MRPL47: variants seen among roughly 807,000 people sequenced by gnomAD.
The protein encoded by MRPL47 is mitochondrial ribosomal protein L47, also known as large ribosomal subunit protein uL29m.
In MRPL47, 31 loss-of-function variants were observed where a neutral mutation model predicts 34.0. The ratio of observed to expected loss-of-function variants is 0.91; its 90% CI spans 0.68 to 1.23. The LOEUF (loss-of-function observed/expected upper bound fraction) is 1.23, where lower values mean the gene tolerates loss of function less well. Ranked by LOEUF, MRPL47 falls within the 50% of genes most tolerant of loss-of-function variation. MRPL47 has a pLI of 0.00. For missense variants in MRPL47, 328 were observed against 285.8 expected, an observed-to-expected ratio of 1.15 and a Z score of -1.07; for synonymous variants, 106 against 101.6, an observed-to-expected ratio of 1.04 and a Z score of -0.26.
At chr3:179,602,593 CGGGG>C in intron 2 of MRPL47, 55 bp downstream of exon 2, 1 of 806,258 alleles carries the variant, frequency 1.2e-6, no homozygotes, top group South Asian at 1.8e-5. Flanking sequence ...GATGGTTGGG[CGGGG>C]CGGGGGGGGG....
intron 5 of MRPL47, among the ~76,000 whole-genome samples, 154 bp downstream of exon 5, chr3:179,593,610 TA>T (rs1214838570): frequency 2.6e-5 from 4 of 152,202 alleles, no homozygotes; most frequent in Non-Finnish European, 5.9e-5. Context: ...CCTCCTTCAT[TA>T]AAGTCCAAAG....
chr3:179,592,580 G>T, intron 6 of MRPL47, 64 bp downstream of exon 6: 2 of 949,412 alleles, frequency 2.1e-6, no homozygotes, highest in South Asian at 1.4e-5. Context: ...CATCTGGTAT[G>T]ATATATGACC....
At chr3:179,591,463 T>G (rs1718669314) in intron 6 of MRPL47, among the ~76,000 whole-genome samples, 1 of 152,198 alleles carries the variant, frequency 6.6e-6, no homozygotes, top group African/African-American at 2.4e-5. Flanking sequence ...AAAAAAATCT[T>G]AAGTTTGTAT....
At chr3:179,591,523 G>A (rs1317214118) in intron 6 of MRPL47, among the ~76,000 whole-genome samples, 3 of 152,190 alleles carry the variant, frequency 2.0e-5, no homozygotes, top group Non-Finnish European at 4.4e-5. Context: ...TATCATAACA[G>A]AAGCCCTATG....
At chr3:179,591,311 G>A (rs528335618) in intron 6 of MRPL47, among the ~76,000 whole-genome samples, 2 of 152,232 alleles carry the variant, frequency 1.3e-5, no homozygotes, top group Admixed American at 1.3e-4. Flanking sequence ...CACAGCAATG[G>A]GAGTTGGATA....
intron 4 of MRPL47, among the ~76,000 whole-genome samples, chr3:179,595,531 C>A (rs1718772187): frequency 6.6e-6 from 1 of 152,102 alleles, no homozygotes; most frequent in African/African-American, 2.4e-5. Context: ...AGTAAAGGGA[C>A]CACATTGATA....
At position 179,588,775 on chromosome 3, in the gene MRPL47, T is replaced by C; in HGVS notation, c.*97A>G. On this transcript the variant is annotated 3_prime_UTR_variant, in exon 7 of 7. Coordinates refer to ENST00000476781, the MANE Select transcript of MRPL47 (RefSeq NM_020409.3). ...CAACTGATTAGTAAAGTCACTTGACTAAAAACAGAATTTCTTTATAAACCA... is the reference window on the plus strand; with the variant it reads ...CAACTGATTAGTAAAGTCACTTGACCAAAAACAGAATTTCTTTATAAACCA... The C allele has an allele frequency of 8.1e-7, 1 of 1,230,658 alleles. No homozygotes were observed. The highest frequency in any genetic ancestry group is 1.1e-6 in the Non-Finnish European group (1 of 895,134). The allele number at this position is 1,230,658 out of a possible 1,614,324, so 76.2% of individuals were successfully genotyped here.
intron 4 of MRPL47, among the ~76,000 whole-genome samples, chr3:179,596,558 G>A (rs1718793834): frequency 6.6e-6 from 1 of 152,206 alleles, no homozygotes; most frequent in Non-Finnish European, 1.5e-5. Context: ...ATCCACGGTT[G>A]AAGTTCAAAA....
At chr3:179,593,601 C>G (rs957092669) in intron 5 of MRPL47, among the ~76,000 whole-genome samples, 164 bp downstream of exon 5, 5 of 152,160 alleles carry the variant, frequency 3.3e-5, no homozygotes, top group African/African-American at 1.2e-4. Context: ...CATTCATATC[C>G]TCCTTCATTA....
At chr3:179,600,456 T>C (rs6775032) in intron 3 of MRPL47, among the ~76,000 whole-genome samples, 110,058 of 151,958 alleles carry the variant, frequency 0.72, 40,396 homozygotes, top group East Asian at 0.92. Flanking sequence ...GCCTGGCCAA[T>C]GTGGTGAAAC....
rs148003214 is a variant in MRPL47 at position 179,601,754 on chromosome 3, C to T, written c.281G>A (p.Ser94Asn). The T allele has an allele frequency of 2.5e-6, 4 of 1,608,016 alleles. No individual in the cohort carries two copies. The African/African-American group carries it at 4.0e-5, about 16-fold the overall frequency. ...AWTCQQLRNKSNEDLHKLWYV... is the reference protein window; with the variant it reads ...AWTCQQLRNKNNEDLHKLWYV... ...CCAAAGTTTGTGTAAATCTTCATTACTTTTGTTCCTTAGTTGCTGACAGGT... is the reference window on the plus strand; with the variant it reads ...CCAAAGTTTGTGTAAATCTTCATTATTTTTGTTCCTTAGTTGCTGACAGGT... The change falls in exon 3 of 7, where the codon AGT becomes AAT. Residue 94 changes from serine (S) to asparagine (N), a missense_variant. Transcript: ENST00000476781.
intron 3 of MRPL47, among the ~76,000 whole-genome samples, chr3:179,600,258 T>C (rs976515782): frequency 3.9e-5 from 6 of 152,246 alleles, no homozygotes; most frequent in African/African-American, 1.4e-4. Flanking sequence ...TATTTTTCTA[T>C]AATGAATAAA....
At chr3:179,601,614 GTAC>G in intron 3 of MRPL47, 113 bp downstream of exon 3, 1 of 673,352 alleles carries the variant, frequency 1.5e-6, no homozygotes, top group Non-Finnish European at 2.7e-6. Context: ...ATCATCCATA[GTAC>G]TACAAAAGAA....
intron 6 of MRPL47, among the ~76,000 whole-genome samples, chr3:179,589,477 C>T (rs1168490307): frequency 6.6e-6 from 1 of 152,134 alleles, no homozygotes; most frequent in African/African-American, 2.4e-5. Flanking sequence ...CAGGGTATGA[C>T]ACATTTGCTG....
Position 179,598,791 on chromosome 3 carries a change from C to T in MRPL47, c.306-20G>A, listed in dbSNP as rs1053928011. 7.0e-7 allele frequency: 1 copy of T among 1,435,088 alleles called. No homozygotes were observed. The allele number at this position is 1,435,088 out of a possible 1,614,324, so 88.9% of individuals were successfully genotyped here. A position where few individuals can be genotyped will look rare whatever the true frequency, so the allele number is the denominator to read the frequency against. ...ACATACCTATACAAAAGAACACAAA[C>T]CTTGTGATGCTATTCTGTGGTTATG... is the stretch of plus-strand genomic sequence containing the variant. On this transcript the variant is annotated intron_variant, in intron 3 of 6. Coordinates refer to ENST00000476781, the MANE Select transcript of MRPL47 (RefSeq NM_020409.3).
intron 2 of MRPL47, among the ~76,000 whole-genome samples, chr3:179,602,026 C>T (rs890420705): frequency 1.3e-5 from 2 of 152,184 alleles, no homozygotes; most frequent in African/African-American, 4.8e-5. Context: ...AACGTATTTT[C>T]ACACCCTAAT....
chr3:179,596,768 T>TC (rs780349459), intron 4 of MRPL47, among the ~76,000 whole-genome samples: 1 of 152,122 alleles, frequency 6.6e-6, no homozygotes, highest in East Asian at 1.9e-4. Flanking sequence ...TTAAAAAAGT[T>TC]CAATGTCAGG....
chr3:179,590,587 A>T (rs1718651708), intron 6 of MRPL47, among the ~76,000 whole-genome samples: 1 of 152,112 alleles, frequency 6.6e-6, no homozygotes, highest in Admixed American at 6.5e-5. Context: ...TCTGACTTCG[A>T]TGAAAGGTAG....
Position 179,588,961 on chromosome 3 carries a change from G to A in MRPL47, c.664C>T (p.Arg222Trp), listed in dbSNP as rs530903735. The A allele has an allele frequency of 2.2e-5, 36 of 1,612,862 alleles. No homozygotes were observed. Among genetic ancestry groups the A allele is most frequent in the African/African-American group, 1.1e-4 (8 of 74,914 alleles). The stretch of plus-strand genomic sequence containing the variant: ...TTCTTTCTCTCTAAATTTTCCTTCC[G>A]TGCTTTGATGCGGGCTCGTTTCTCA... Reference protein sequence around the residue: ...EREKRARIKARKENLERKKAK... With the variant: ...EREKRARIKAWKENLERKKAK... Residue 222 changes from arginine (R) to tryptophan (W), a missense_variant, in exon 7 of 7, where the codon CGG becomes TGG. By Grantham distance (101) the Arg-to-Trp change is moderately radical. Coordinates refer to ENST00000476781, the MANE Select transcript of MRPL47 (RefSeq NM_020409.3).
Sources: gnomAD v4.1 joint callset for allele counts (sites outside exome capture counted in the v4.1 genomes callset) on GRCh38, gnomAD v4.1.1 for gene constraint, MANE v1.5 for transcripts, NCBI Gene and HGNC (gene_info 2026-07-23, HGNC 2026-07-21) for gene names.